EPHA6: variants seen among roughly 807,000 people sequenced by gnomAD.
EPHA6 encodes the protein EPH receptor A6, also known as ephrin type-A receptor 6.
Under a neutral mutation model 112.0 loss-of-function variants are expected in EPHA6, and 50 were observed. The ratio of observed to expected loss-of-function variants is 0.45; its 90% CI spans 0.36 to 0.56. The LOEUF (loss-of-function observed/expected upper bound fraction) is 0.56. Ranked by LOEUF, EPHA6 falls within the 20% of genes least tolerant of loss-of-function variation. The probability of loss-of-function intolerance (pLI) is 0.00; values close to 1 mark genes in which losing one functional copy is unlikely to be tolerated. For missense variants in EPHA6, 1,280 were observed against 1,417.4 expected, an observed-to-expected ratio of 0.90 and a Z score of 1.56; for synonymous variants, 529 against 490.7, an observed-to-expected ratio of 1.08 and a Z score of -1.03.
intron 14 of EPHA6, among the ~76,000 whole-genome samples, chr3:97,674,814 C>G (rs1160943988): frequency 1.3e-5 from 2 of 152,218 alleles, no homozygotes; most frequent in East Asian, 3.8e-4. Flanking sequence ...AATGGCTCTA[C>G]ATCTTTCCCC....
At chr3:97,421,914 GA>G (rs200477617) in intron 6 of EPHA6, among the ~76,000 whole-genome samples, 9 of 149,524 alleles carry the variant, frequency 6.0e-5, no homozygotes, top group South Asian at 2.1e-4. Context: ...TATATTGGTA[GA>G]AAAAAAAAGA....
At chr3:96,844,330 C>G (rs2034939671) in intron 1 of EPHA6, among the ~76,000 whole-genome samples, 1 of 151,906 alleles carries the variant, frequency 6.6e-6, no homozygotes, top group African/African-American at 2.4e-5. Flanking sequence ...TCCCTGTGTA[C>G]TATTAGTTAA....
intron 5 of EPHA6, among the ~76,000 whole-genome samples, chr3:97,383,339 C>G (rs754268637): frequency 1.3e-5 from 2 of 152,002 alleles, no homozygotes; most frequent in Non-Finnish European, 2.9e-5. Context: ...TCCGGAAACA[C>G]TGAATGAAGG....
intron 7 of EPHA6, 146 bp from the exon 8 acceptor site, chr3:97,475,206 T>A: frequency 1.6e-6 from 1 of 608,886 alleles, no homozygotes; most frequent in Non-Finnish European, 2.8e-6. Flanking sequence ...TTGGGTTTGC[T>A]TCATACGTGT....
At chr3:96,897,080 C>CT (rs143658305) in intron 2 of EPHA6, among the ~76,000 whole-genome samples, 29,456 of 152,010 alleles carry the variant, frequency 0.19, 4,736 homozygotes, top group African/African-American at 0.4. Context: ...GCTAATACAT[C>CT]TTTAACAAAG....
intron 5 of EPHA6, among the ~76,000 whole-genome samples, chr3:97,307,479 C>A (rs1205253554): frequency 1.3e-5 from 2 of 151,678 alleles, no homozygotes; most frequent in Admixed American, 1.3e-4. Flanking sequence ...TGTCAGATTC[C>A]CCATCAGAAT....
chr3:97,592,306 T>A (rs1350648852), intron 11 of EPHA6, among the ~76,000 whole-genome samples: 2 of 152,206 alleles, frequency 1.3e-5, no homozygotes, highest in African/African-American at 4.8e-5. Flanking sequence ...CATCAATGAC[T>A]AGCATTTATA....
At chr3:97,197,559 T>C (rs919218027) in intron 3 of EPHA6, among the ~76,000 whole-genome samples, 2 of 151,796 alleles carry the variant, frequency 1.3e-5, no homozygotes, top group Non-Finnish European at 2.9e-5. Flanking sequence ...TGGAAAACAA[T>C]GTTCTCTCCT....
intron 5 of EPHA6, among the ~76,000 whole-genome samples, chr3:97,324,754 G>C (rs1040076805): frequency 1.3e-4 from 20 of 151,814 alleles, no homozygotes; most frequent in Admixed American, 3.9e-4. Flanking sequence ...TGGTCAGGCT[G>C]GTCTCAAACT....
chr3:97,462,237 A>G (rs749776492), intron 7 of EPHA6, among the ~76,000 whole-genome samples: 18 of 152,178 alleles, frequency 1.2e-4, no homozygotes, highest in Non-Finnish European at 2.5e-4. Context: ...ATGAGTTAAC[A>G]TATGTGTTTA....
At chr3:96,986,956 G>A (rs935600538) in intron 2 of EPHA6, among the ~76,000 whole-genome samples, 2 of 152,172 alleles carry the variant, frequency 1.3e-5, no homozygotes, top group African/African-American at 4.8e-5. Context: ...GATAATGGAT[G>A]CTATTTAATG....
At chr3:97,705,619 G>A (rs747211786) in intron 14 of EPHA6, among the ~76,000 whole-genome samples, 1 of 152,118 alleles carries the variant, frequency 6.6e-6, no homozygotes, top group Non-Finnish European at 1.5e-5. Context: ...ATATTTGGCA[G>A]CAAGAACTGA....
intron 6 of EPHA6, among the ~76,000 whole-genome samples, chr3:97,421,004 A>G (rs893315806): frequency 6.6e-6 from 1 of 152,130 alleles, no homozygotes; most frequent in African/African-American, 2.4e-5. Flanking sequence ...CATGTATACC[A>G]TCTATTCTTG....
intron 5 of EPHA6, among the ~76,000 whole-genome samples, chr3:97,267,332 C>G (rs996147004): frequency 6.6e-6 from 1 of 151,960 alleles, no homozygotes; most frequent in Non-Finnish European, 1.5e-5. Flanking sequence ...GAGATACTTT[C>G]TTGCACCCAC....
chr3:97,335,928 G>A (rs2083035450), intron 5 of EPHA6, among the ~76,000 whole-genome samples: 1 of 152,058 alleles, frequency 6.6e-6, no homozygotes, highest in Non-Finnish European at 1.5e-5. Context: ...CTTGTGCTGA[G>A]CCAGTTCCCG....
chr3:97,099,320 CTCTTTAAAATCCTAAACACTTGTTTG>C (rs1197752186), intron 3 of EPHA6, among the ~76,000 whole-genome samples: 4 of 151,846 alleles, frequency 2.6e-5, no homozygotes, highest in African/African-American at 9.7e-5. Flanking sequence ...TGTTTTGTGA[CTCTTTAAAATCCTAAACACTTGTTTG>C]TCTTTAAGAA....
intron 3 of EPHA6, among the ~76,000 whole-genome samples, chr3:97,050,693 T>C (rs1180483712): frequency 6.6e-6 from 1 of 152,198 alleles, no homozygotes; most frequent in Non-Finnish European, 1.5e-5. Flanking sequence ...TATCTTATAT[T>C]GAGCACAAAG....
intron 3 of EPHA6, among the ~76,000 whole-genome samples, chr3:97,043,490 T>C (rs558036135): frequency 1.4e-4 from 21 of 152,170 alleles, no homozygotes; most frequent in Non-Finnish European, 2.8e-4. Context: ...GCATTTTCTA[T>C]GCTGATGCTC....
intron 2 of EPHA6, among the ~76,000 whole-genome samples, chr3:96,925,069 T>C (rs1239407990): frequency 6.6e-6 from 1 of 152,204 alleles, no homozygotes. Flanking sequence ...TTTGCATCAA[T>C]GTTCATCAAG....
Sources: gnomAD v4.1 joint callset for allele counts (sites outside exome capture counted in the v4.1 genomes callset) on GRCh38, gnomAD v4.1.1 for gene constraint, MANE v1.5 for transcripts, NCBI Gene and HGNC (gene_info 2026-07-23, HGNC 2026-07-21) for gene names.